NRG1: variants seen among roughly 807,000 people sequenced by gnomAD.
NRG1 encodes the protein neuregulin 1.
Under a neutral mutation model 63.8 loss-of-function variants are expected in NRG1, and 18 were observed. That is an observed-to-expected ratio of 0.28 (90% CI 0.19 to 0.42). The LOEUF is 0.42. Among genes scored for constraint, NRG1 ranks in the 10% least tolerant of loss-of-function variants. The probability of loss-of-function intolerance (pLI) is 1.00; values close to 1 mark genes in which losing one functional copy is unlikely to be tolerated. For synonymous variants in NRG1, 302 were observed against 301.3 expected, an observed-to-expected ratio of 1.00 and a Z score of -0.02; for missense variants, 762 against 814.7, an observed-to-expected ratio of 0.94 and a Z score of 0.79.
chr8:32,549,505 C>T (rs186410321), intron 1 of NRG1, among the ~76,000 whole-genome samples: 1 of 152,308 alleles, frequency 6.6e-6, no homozygotes, highest in Non-Finnish European at 1.5e-5. Context: ...CAAACAAGTT[C>T]TACAAACTTT....
At chr8:31,930,316 A>T (rs1834758424) in intron 1 of NRG1, among the ~76,000 whole-genome samples, 1 of 152,194 alleles carries the variant, frequency 6.6e-6, no homozygotes, top group African/African-American at 2.4e-5. Context: ...GATTAAGGAA[A>T]TTCCTTTGAC....
At chr8:32,264,120 A>G (rs2129471857) in intron 1 of NRG1, among the ~76,000 whole-genome samples, 1 of 152,326 alleles carries the variant, frequency 6.6e-6, no homozygotes, top group East Asian at 1.9e-4. Context: ...TTATTTTCAA[A>G]GATTAACATT....
At chr8:32,548,930 G>A (rs890560179) in intron 1 of NRG1, 104 bp downstream of exon 1, 98 of 1,366,406 alleles carry the variant, frequency 7.2e-5, no homozygotes, top group Middle Eastern at 2.6e-4. Context: ...TCCCTCGCCC[G>A]TCCTCTTCGC....
intron 1 of NRG1, among the ~76,000 whole-genome samples, chr8:32,250,871 G>A (rs1849026745): frequency 1.3e-5 from 2 of 151,918 alleles, no homozygotes; most frequent in South Asian, 4.2e-4. Flanking sequence ...TGATGACAAT[G>A]TAATTTGCAG....
chr8:32,559,245 T>TAAAGAAAAAAAA (rs1835845062), intron 1 of NRG1, among the ~76,000 whole-genome samples: 1 of 96,790 alleles, frequency 1.0e-5, no homozygotes, highest in Non-Finnish European at 2.0e-5. Flanking sequence ...CTCTAAAATG[T>TAAAGAAAAAAAA]AAAAAAAAAA....
rs1420205515 is a variant in NRG1 at position 32,377,759 on chromosome 8, A to T, written c.38-218069A>T. Among the ~76,000 whole-genome samples the T allele has an allele frequency of 2.0e-5, 3 of 152,170 alleles. No individual in the cohort carries two copies. In the East Asian group the frequency reaches 5.8e-4, roughly 29 times the overall value. On this transcript the variant is annotated intron_variant, in intron 1 of 10. Coordinates refer to the NRG1 transcript ENST00000519301. The stretch of plus-strand genomic sequence containing the variant: ...ACCAATGTATCCATCAAAGTAGTGT[A>T]ATCAGAGAGTCTGCCTAGAAATGTA...
intron 1 of NRG1, among the ~76,000 whole-genome samples, chr8:32,213,463 G>T (rs958984580): frequency 1.3e-5 from 2 of 152,046 alleles, no homozygotes; most frequent in Non-Finnish European, 2.9e-5. Flanking sequence ...GCCTGTCGGG[G>T]AGCATGGGAG....
intron 1 of NRG1, among the ~76,000 whole-genome samples, chr8:31,921,110 C>A (rs1284756212): frequency 6.6e-6 from 1 of 152,136 alleles, no homozygotes; most frequent in African/African-American, 2.4e-5. Flanking sequence ...TTACAATATG[C>A]AATACCTTCC....
rs776532383 is a variant in NRG1 at position 31,833,033 on chromosome 8, G to T, written c.37+193602G>T. Reference sequence around the variant, plus strand: ...CTCCAACAAAGGTTAACAACCACCCGAGAACCCCAGTGCCACTTACCTACC... The same window carrying T: ...CTCCAACAAAGGTTAACAACCACCCTAGAACCCCAGTGCCACTTACCTACC... On this transcript the variant is annotated intron_variant, in intron 1 of 10. Coordinates refer to the NRG1 transcript ENST00000519301. 6.6e-5 allele frequency among the ~76,000 whole-genome samples: 10 copies of T among 152,074 alleles called. 1 individual carries two copies. The highest frequency in any genetic ancestry group is 6.6e-4 in the Admixed American group (10 of 15,266).
At chr8:32,128,354 T>C (rs1033211173) in intron 1 of NRG1, among the ~76,000 whole-genome samples, 1 of 151,932 alleles carries the variant, frequency 6.6e-6, no homozygotes, top group African/African-American at 2.4e-5. Context: ...TGCATTCCTA[T>C]ATAATGGAGT....
At chr8:31,899,192 C>T (rs1831864818) in intron 1 of NRG1, among the ~76,000 whole-genome samples, 1 of 151,964 alleles carries the variant, frequency 6.6e-6, no homozygotes, top group East Asian at 1.9e-4. Context: ...CAGCCTCAAC[C>T]TCCTGGGCTC....
chr8:32,479,269 A>G (rs1448801704), intron 1 of NRG1, among the ~76,000 whole-genome samples: 1 of 152,012 alleles, frequency 6.6e-6, no homozygotes, highest in Non-Finnish European at 1.5e-5. Context: ...TGAGGTCAGG[A>G]GCTTGAGACC....
At chr8:31,731,255 A>G (rs1460739163) in intron 1 of NRG1, among the ~76,000 whole-genome samples, 2 of 152,178 alleles carry the variant, frequency 1.3e-5, no homozygotes, top group East Asian at 1.9e-4. Context: ...TCTTATGTCA[A>G]GTGTGGAAAA....
chr8:32,716,834 G>C (rs1354751199), intron 5 of NRG1, among the ~76,000 whole-genome samples: 1 of 152,000 alleles, frequency 6.6e-6, no homozygotes, highest in East Asian at 1.9e-4. Context: ...GTGTGTGTGT[G>C]TGTGTGTGCA....
intron 1 of NRG1, among the ~76,000 whole-genome samples, chr8:31,911,543 A>G (rs1490800309): frequency 1.3e-5 from 2 of 152,176 alleles, no homozygotes; most frequent in Non-Finnish European, 2.9e-5. Flanking sequence ...ATGAGACCAC[A>G]TGGGCACATA....
intron 1 of NRG1, among the ~76,000 whole-genome samples, chr8:32,341,548 G>A (rs1269284512): frequency 6.6e-6 from 1 of 152,170 alleles, no homozygotes; most frequent in East Asian, 1.9e-4. Context: ...GAGGCCCAGG[G>A]ATTACACCAA....
chr8:31,745,913 T>A (rs1269971798), intron 1 of NRG1, among the ~76,000 whole-genome samples: 1 of 151,906 alleles, frequency 6.6e-6, no homozygotes, highest in African/African-American at 2.4e-5. Flanking sequence ...TCAATTGACG[T>A]TATCAATCAA....
At chr8:31,706,125 T>A (rs1178174460) in intron 1 of NRG1, among the ~76,000 whole-genome samples, 1 of 152,208 alleles carries the variant, frequency 6.6e-6, no homozygotes, top group Non-Finnish European at 1.5e-5. Context: ...AATGAGTACA[T>A]AGTAAGAGAT....
At chr8:32,683,448 T>C (rs1253934796) in intron 5 of NRG1, among the ~76,000 whole-genome samples, 2 of 152,120 alleles carry the variant, frequency 1.3e-5, no homozygotes, top group Non-Finnish European at 2.9e-5. Context: ...ACAAAAGAGA[T>C]GGAAAGGGTG....
Sources: gnomAD v4.1 joint callset for allele counts (sites outside exome capture counted in the v4.1 genomes callset) on GRCh38, gnomAD v4.1.1 for gene constraint, MANE v1.5 for transcripts, NCBI Gene and HGNC (gene_info 2026-07-23, HGNC 2026-07-21) for gene names.